CDH9: variants seen among roughly 807,000 people sequenced by gnomAD.
CDH9 encodes cadherin 9.
In CDH9, 28 loss-of-function variants were observed where a neutral mutation model predicts 70.9. The observed-to-expected ratio is 0.40, with a 90% CI of 0.29 to 0.54. CDH9 has a LOEUF of 0.54. Among genes scored for constraint, CDH9 ranks in the 20% least tolerant of loss-of-function variants. CDH9 has a pLI of 0.59. For synonymous variants in CDH9, 409 were observed against 343.1 expected, an observed-to-expected ratio of 1.19 and a Z score of -2.12; for missense variants, 874 against 984.4, an observed-to-expected ratio of 0.89 and a Z score of 1.50.
intron 2 of CDH9, among the ~76,000 whole-genome samples, chr5:26,960,061 G>A (rs996159924): frequency 1.6e-4 from 25 of 151,778 alleles, no homozygotes; most frequent in African/African-American, 6.0e-4. Context: ...TAGGAATTTG[G>A]ATCGTCTTTA....
At chr5:27,025,570 G>GC (rs753733281) in intron 1 of CDH9, among the ~76,000 whole-genome samples, 13 of 152,042 alleles carry the variant, frequency 8.6e-5, no homozygotes, top group Non-Finnish European at 1.9e-4. Context: ...TAGACAAAGT[G>GC]CTAACAGTGG....
chr5:26,991,353 T>G (rs2112095194), intron 1 of CDH9, among the ~76,000 whole-genome samples: 1 of 152,316 alleles, frequency 6.6e-6, no homozygotes, highest in Admixed American at 6.5e-5. Flanking sequence ...CTGGAACCAC[T>G]TTGCCCACAT....
intron 2 of CDH9, 126 bp from the exon 3 acceptor site, chr5:26,916,050 G>T: frequency 3.3e-6 from 2 of 606,936 alleles, no homozygotes; most frequent in East Asian, 2.8e-5. Context: ...TGGTTATCTT[G>T]ACTTTTGCTG....
At chr5:27,011,672 C>T (rs1055200555) in intron 1 of CDH9, among the ~76,000 whole-genome samples, 1 of 151,926 alleles carries the variant, frequency 6.6e-6, no homozygotes, top group East Asian at 1.9e-4. Flanking sequence ...TATAATATTT[C>T]CTTAACTATC....
At chr5:26,886,109 T>C in intron 9 of CDH9, 26 bp from the exon 10 acceptor site, 1 of 1,576,312 alleles carries the variant, frequency 6.3e-7, no homozygotes, top group East Asian at 2.2e-5. Flanking sequence ...ATTAATTAAT[T>C]AATTAAGCCT....
chr5:27,012,070 G>A (rs922968603), intron 1 of CDH9, among the ~76,000 whole-genome samples: 1 of 151,728 alleles, frequency 6.6e-6, no homozygotes, highest in African/African-American at 2.4e-5. Context: ...ATATCCACAG[G>A]GACTAGGATC....
At chr5:26,887,558 A>C (rs1740586232) in intron 9 of CDH9, among the ~76,000 whole-genome samples, 1 of 151,924 alleles carries the variant, frequency 6.6e-6, no homozygotes, top group African/African-American at 2.4e-5. Context: ...AAAGACAAGC[A>C]TACTGATAGA....
intron 2 of CDH9, among the ~76,000 whole-genome samples, chr5:26,975,906 C>A (rs1477507865): frequency 1.3e-5 from 2 of 152,084 alleles, no homozygotes; most frequent in East Asian, 3.9e-4. Flanking sequence ...CCGAGGTTAG[C>A]GTTTAAGCCT....
At chr5:27,025,038 T>C (rs1211444414) in intron 1 of CDH9, among the ~76,000 whole-genome samples, 2 of 152,140 alleles carry the variant, frequency 1.3e-5, no homozygotes, top group African/African-American at 2.4e-5. Flanking sequence ...CATTTCCTTA[T>C]AGAAAATATC....
At chr5:26,956,875 C>T (rs1213378371) in intron 2 of CDH9, among the ~76,000 whole-genome samples, 1 of 151,984 alleles carries the variant, frequency 6.6e-6, no homozygotes. Context: ...ATAGCAATCA[C>T]TATTATTACT....
chr5:26,943,462 G>A (rs1364961890), intron 2 of CDH9, among the ~76,000 whole-genome samples: 1 of 149,350 alleles, frequency 6.7e-6, no homozygotes, highest in Non-Finnish European at 1.5e-5. Context: ...TTGGTGAGCT[G>A]AGATCACGCC....
chr5:26,882,722 T>C (rs944893836), intron 11 of CDH9, among the ~76,000 whole-genome samples: 11 of 151,980 alleles, frequency 7.2e-5, no homozygotes, highest in African/African-American at 2.2e-4. Flanking sequence ...ACTTTAGGGT[T>C]CTTAACTGTT....
chr5:26,993,698 C>CAAAAAAAAAAAAAAAA (rs34545141), intron 1 of CDH9, among the ~76,000 whole-genome samples: 1 of 51,004 alleles, frequency 2.0e-5, no homozygotes, highest in Non-Finnish European at 3.3e-5. Context: ...TATTCAGCTG[C>CAAAAAAAAAAAAAAAA]AAAAAAAAAA....
Position 26,993,698 on chromosome 5 carries a change from C to CAAAAAAAA in CDH9, c.-49-5324_-49-5317dup, listed in dbSNP as rs34545141. ...CCAGCTCCCTACAGCTATTCAGCTG[C>CAAAAAAAA]AAAAAAAAAAAAAAAAAAAAAAAAG... On this transcript the variant is annotated intron_variant, in intron 1 of 11. Coordinates refer to ENST00000231021, the MANE Select transcript of CDH9 (RefSeq NM_016279.4). Among the ~76,000 whole-genome samples the CAAAAAAAA allele has an allele frequency of 3.1e-4, 16 of 51,000 alleles. 2 individuals are homozygous for CAAAAAAAA. Among genetic ancestry groups the CAAAAAAAA allele is most frequent in the African/African-American group, 1.1e-3 (13 of 11,944 alleles). 33.5% of individuals were successfully genotyped at this position (51,000 alleles called of 152,430 possible).
chr5:26,994,723 C>G (rs2112098622), intron 1 of CDH9, among the ~76,000 whole-genome samples: 1 of 152,182 alleles, frequency 6.6e-6, no homozygotes, highest in South Asian at 2.1e-4. Flanking sequence ...GTTGTTTAAG[C>G]CACACAGTCT....
At chr5:27,017,118 T>C (rs540799235) in intron 1 of CDH9, among the ~76,000 whole-genome samples, 1 of 152,000 alleles carries the variant, frequency 6.6e-6, no homozygotes, top group South Asian at 2.1e-4. Flanking sequence ...GTTTGTCATA[T>C]ATATGTCAAA....
intron 2 of CDH9, among the ~76,000 whole-genome samples, chr5:26,947,171 G>A (rs760267525): frequency 2.0e-5 from 3 of 152,110 alleles, no homozygotes; most frequent in Non-Finnish European, 4.4e-5. Flanking sequence ...AAAACATTAA[G>A]CAATGTAGAA....
Position 26,905,981 on chromosome 5 carries a change from G to A in CDH9, c.789C>T (p.Asn263=). The A allele has an allele frequency of 6.2e-7, 1 of 1,613,654 alleles. No homozygotes were observed. The highest frequency in any genetic ancestry group is 8.5e-7 in the Non-Finnish European group (1 of 1,179,636). ...TVNITLTDVN[N]NPPRFPQSTY... Reference sequence around the variant, plus strand: ...TACTCTGGGGAAATCGAGGAGGGTTGTTGTTGACATCTGTCAGCGTGATGT... The same window carrying A: ...TACTCTGGGGAAATCGAGGAGGGTTATTGTTGACATCTGTCAGCGTGATGT... Residue 263 remains asparagine, a synonymous_variant, in exon 5 of 12, where the codon AAC becomes AAT. Coordinates refer to ENST00000231021, the MANE Select transcript of CDH9 (RefSeq NM_016279.4).
intron 7 of CDH9, among the ~76,000 whole-genome samples, chr5:26,897,916 A>G (rs1740782154): frequency 6.6e-6 from 1 of 152,186 alleles, no homozygotes; most frequent in Admixed American, 6.5e-5. Flanking sequence ...TTGTATATTT[A>G]GAAAACCCCA....
Sources: gnomAD v4.1 joint callset for allele counts (sites outside exome capture counted in the v4.1 genomes callset) on GRCh38, gnomAD v4.1.1 for gene constraint, MANE v1.5 for transcripts, NCBI Gene and HGNC (gene_info 2026-07-23, HGNC 2026-07-21) for gene names.